Variants in GPR22 observed in about 807,000 individuals in gnomAD.
GPR22 encodes G-protein coupled receptor 22.
GPR22 carries 13 observed loss-of-function variants against 31.0 expected under a neutral mutation model. The ratio of observed to expected loss-of-function variants is 0.42; its 90% CI spans 0.27 to 0.67. The LOEUF (loss-of-function observed/expected upper bound fraction) is 0.67. Among genes scored for constraint, GPR22 ranks in the 30% least tolerant of loss-of-function variants. The pLI, the probability that GPR22 is intolerant of heterozygous loss-of-function variation, is 0.25. For missense variants in GPR22, 368 were observed against 509.6 expected (o/e 0.72, Z 2.67); for synonymous variants, 191 against 173.4 (o/e 1.10, Z -0.80).
At position 107,470,268 on chromosome 7, in the gene GPR22, A is replaced by G. The variant is rs1234250223; in HGVS notation, c.-1135A>G. On this transcript the variant is annotated 5_prime_UTR_variant, in exon 1 of 3. Coordinates refer to ENST00000304402, the MANE Select transcript of GPR22 (RefSeq NM_005295.3). ...CTAAGCAGCACTACATGTTCCATAC[A>G]TTAGCAGTACTGCTGAAACAATGGC... The G allele has an allele frequency of 6.6e-6, 1 of 152,228 alleles. No homozygotes were observed. The highest frequency in any genetic ancestry group is 2.4e-5 in the African/African-American group (1 of 41,472). The allele number at this position is 152,228 out of a possible 1,614,324, so 9.4% of individuals were successfully genotyped here.
chr7:107,477,247 TA>T (rs749437233), downstream of GPR22, among the ~76,000 whole-genome samples: 1 of 151,664 alleles, frequency 6.6e-6, no homozygotes, highest in South Asian at 2.1e-4. Flanking sequence ...TTTAAGAATT[TA>T]AAAAATGAAT....
At chr7:107,471,345 C>CTTAACCAA (rs1796621127) in intron 1 of GPR22, 27 bp from the exon 2 acceptor site, 1 of 152,126 alleles carries the variant, frequency 6.6e-6, no homozygotes, top group African/African-American at 2.4e-5. Context: ...AACCCTATTT[C>CTTAACCAA]TTAACCAATT....
intron 2 of GPR22, among the ~76,000 whole-genome samples, chr7:107,473,823 A>G (rs1796800132): frequency 6.6e-6 from 1 of 152,024 alleles, no homozygotes; most frequent in Non-Finnish European, 1.5e-5. Flanking sequence ...AACAATTTCC[A>G]TAGTTATTTC....
In GPR22 at chr7:107,474,513, T is replaced by G; in HGVS notation, c.453T>G (p.Ile151Met). The change falls in exon 3 of 3, where the codon ATT (isoleucine) becomes ATG (methionine). Residue 151 changes from isoleucine (I) to methionine (M), a missense_variant. By Grantham distance (10) the Ile-to-Met change is conservative. Transcript: ENST00000304402. This position sits in a 1 kb window ranked among gnomAD's most constrained non-coding sequence, Gnocchi z 5.7. ...TCTCTGTAAAACCTGCAAACCGAAT[T>G]CTGACAATGGGCAGAGCTGTAATGT... is the stretch of plus-strand genomic sequence containing the variant. ...YDISVKPANR[I>M]LTMGRAVMLM... 1 of 1,612,954 alleles carries G rather than the reference T, an allele frequency of 6.2e-7. No individual in the cohort carries two copies. Among genetic ancestry groups the G allele is most frequent in the Non-Finnish European group, 8.5e-7 (1 of 1,179,226 alleles).
Position 107,474,458 on chromosome 7 carries a change from T to C in GPR22, c.398T>C (p.Val133Ala). ...SFASVSTAIN[V>A]FAITLDRYDI... is the part of the protein sequence containing the mutation. The stretch of plus-strand genomic sequence containing the variant: ...GCAAGTGTCTCAACAGCAATCAACG[T>C]TTTTGCTATCACTTTGGACAGATAT... Residue 133 changes from valine to alanine, a missense_variant, in exon 3 of 3, where the codon GTT becomes GCT. Coordinates refer to ENST00000304402, the MANE Select transcript of GPR22 (RefSeq NM_005295.3). This position sits in a 1 kb window ranked among gnomAD's most constrained non-coding sequence, Gnocchi z 5.7. The C allele has an allele frequency of 6.2e-7, 1 of 1,613,350 alleles. No individual in the cohort carries two copies. The highest frequency in any genetic ancestry group is 8.5e-7 in the Non-Finnish European group (1 of 1,179,532).
At chr7:107,473,075 T>A (rs1237831769) in intron 2 of GPR22, 1 of 151,832 alleles carries the variant, frequency 6.6e-6, no homozygotes, top group African/African-American at 2.4e-5. Context: ...ACAAAAGGCT[T>A]CACAGGTAAT....
In GPR22 at chr7:107,474,162, A is replaced by G; in HGVS notation, c.102A>G (p.Leu34=). 1 of 1,611,002 alleles carries G rather than the reference A, an allele frequency of 6.2e-7. No homozygotes were observed. Among genetic ancestry groups the G allele is most frequent in the Non-Finnish European group, 8.5e-7 (1 of 1,177,428 alleles). ...DDINTNMYQP[L]SYPLSFQVSL... ...TCAACACCAATATGTACCAACCACTATCATATCCGTTAAGCTTTCAAGTGT... is the reference window on the plus strand; with the variant it reads ...TCAACACCAATATGTACCAACCACTGTCATATCCGTTAAGCTTTCAAGTGT... The change falls in exon 3 of 3, where the codon CTA becomes CTG. Residue 34 remains leucine (L), a synonymous_variant. Transcript: ENST00000304402. This position sits in a 1 kb window ranked among gnomAD's most constrained non-coding sequence, Gnocchi z 5.7.
At chr7:107,477,772 C>T (rs1797078137), downstream of GPR22, among the ~76,000 whole-genome samples, 1 of 151,862 alleles carries the variant, frequency 6.6e-6, no homozygotes, top group South Asian at 2.1e-4. Context: ...CAACTACTGA[C>T]CTCAGCTTAA....
chr7:107,474,845 T>C lies in GPR22; in HGVS notation c.785T>C (p.Leu262Pro), dbSNP rs1796873949. 1 of 1,613,222 alleles carries C rather than the reference T, an allele frequency of 6.2e-7. No individual in the cohort carries two copies. The highest frequency in any genetic ancestry group is 8.5e-7 in the Non-Finnish European group (1 of 1,179,552). Residue 262 changes from leucine to proline, a missense_variant, in exon 3 of 3, where the codon CTA becomes CCA. Leu to Pro is a moderately conservative substitution (Grantham distance 98). Transcript: ENST00000304402. The surrounding 1 kb of genome is among the most constrained non-coding windows in gnomAD (Gnocchi z 5.7). ...GCAAGAAAGAAAAAGACAATTTCTC[T>C]AACCACACAACATGAGGCTACAGAC... Reference protein sequence around the residue: ...KKARKKKTISLTTQHEATDMS... With the variant: ...KKARKKKTISPTTQHEATDMS...
In GPR22 at chr7:107,475,293, C is replaced by T; in HGVS notation, c.1233C>T (p.Asn411=). The T allele has an allele frequency of 6.3e-7, 1 of 1,590,266 alleles. No homozygotes were observed. ...ACTCTTGGATAGATCCTAAAAGAAA[C>T]AAAAAAATTACCTTTGAAGATAGTG... ...IHNSWIDPKR[N]KKITFEDSEI... The change falls in exon 3 of 3, where the codon AAC becomes AAT. Residue 411 remains asparagine (N), a synonymous_variant. Coordinates refer to ENST00000304402, the MANE Select transcript of GPR22 (RefSeq NM_005295.3).
rs1025509476 is a variant in GPR22 at position 107,470,180 on chromosome 7, C to A, written c.-1223C>A. 6.6e-6 allele frequency: 1 copy of A among 152,180 alleles called. No individual in the cohort carries two copies. Among genetic ancestry groups the A allele is most frequent in the Admixed American group, 6.5e-5 (1 of 15,274 alleles). The allele number at this position is 152,180 out of a possible 1,614,324, so 9.4% of individuals were successfully genotyped here. On this transcript the variant is annotated 5_prime_UTR_variant, in exon 1 of 3. The change creates a premature stop within an existing upstream ORF in the 5' untranslated region. Coordinates refer to ENST00000304402, the MANE Select transcript of GPR22 (RefSeq NM_005295.3). ...AGCCTTCAGTATGTTAAATTACTTTCATTATGTATTTTCAGATGCTTATTG... is the reference window on the plus strand; with the variant it reads ...AGCCTTCAGTATGTTAAATTACTTTAATTATGTATTTTCAGATGCTTATTG...
chr7:107,472,120 A>T lies in GPR22; in HGVS notation c.-209A>T, dbSNP rs1440629354. 6.6e-6 allele frequency: 1 copy of T among 152,048 alleles called. No individual in the cohort carries two copies. Among genetic ancestry groups the T allele is most frequent in the African/African-American group, 2.4e-5 (1 of 41,444 alleles). The allele number at this position is 152,048 out of a possible 1,614,324, so 9.4% of individuals were successfully genotyped here. A position where few individuals can be genotyped will look rare whatever the true frequency, so the allele number is the denominator to read the frequency against. Reference sequence around the variant, plus strand: ...ATCAAAGGGAAACATAATTCCTATCATCTGAGGAAATTCCTCTTGGCCGTG... The same window carrying T: ...ATCAAAGGGAAACATAATTCCTATCTTCTGAGGAAATTCCTCTTGGCCGTG... On this transcript the variant is annotated 5_prime_UTR_variant, in exon 2 of 3. Coordinates refer to ENST00000304402, the MANE Select transcript of GPR22 (RefSeq NM_005295.3).
Position 107,475,432 on chromosome 7 carries a change from A to T in GPR22, c.*70A>T. The T allele has an allele frequency of 4.3e-6, 3 of 701,938 alleles. No homozygotes were observed. Among genetic ancestry groups the T allele is most frequent in the Non-Finnish European group, 7.0e-6 (3 of 428,272 alleles). 43.5% of individuals were successfully genotyped at this position (701,938 alleles called of 1,614,324 possible). The stretch of plus-strand genomic sequence containing the variant: ...AATTTAAATTGTAAAAACTGATATT[A>T]CTGCCAAATATAAGAAAAATATTTT... On this transcript the variant is annotated 3_prime_UTR_variant, in exon 3 of 3. Transcript: ENST00000304402.
chr7:107,474,512 T>A lies in GPR22; in HGVS notation c.452T>A (p.Ile151Asn). The change falls in exon 3 of 3, where the codon ATT (isoleucine) becomes AAT (asparagine). Residue 151 changes from isoleucine to asparagine, a missense_variant. Transcript: ENST00000304402. This position sits in a 1 kb window ranked among gnomAD's most constrained non-coding sequence, Gnocchi z 5.7. ...YDISVKPANR[I>N]LTMGRAVMLM... is the part of the protein sequence containing the mutation. ...ATCTCTGTAAAACCTGCAAACCGAA[T>A]TCTGACAATGGGCAGAGCTGTAATG... 1 of 1,613,022 alleles carries A rather than the reference T, an allele frequency of 6.2e-7. No homozygotes were observed. The highest frequency in any genetic ancestry group is 8.5e-7 in the Non-Finnish European group (1 of 1,179,262).
chr7:107,475,224 T>C lies in GPR22; in HGVS notation c.1164T>C (p.Ser388=). 1 of 1,611,682 alleles carries C rather than the reference T, an allele frequency of 6.2e-7. No individual in the cohort carries two copies. The highest frequency in any genetic ancestry group is 8.5e-7 in the Non-Finnish European group (1 of 1,178,212). Reference sequence around the variant, plus strand: ...GTAAAATGAAAAAGCGAGTTGTTTCTATAGTAGAAGCTGATCCCCTGCCTA... The same window carrying C: ...GTAAAATGAAAAAGCGAGTTGTTTCCATAGTAGAAGCTGATCCCCTGCCTA... ...LKSKMKKRVV[S]IVEADPLPNN... is the part of the protein sequence containing the mutation. The change falls in exon 3 of 3, where the codon TCT becomes TCC. Residue 388 remains serine (S), a synonymous_variant. Transcript: ENST00000304402.
intron 2 of GPR22, among the ~76,000 whole-genome samples, chr7:107,473,774 A>ATTT (rs1796794287): frequency 6.6e-6 from 1 of 151,976 alleles, no homozygotes; most frequent in Non-Finnish European, 1.5e-5. Flanking sequence ...TACTCAAATG[A>ATTT]GAAAAGCCCT....
chr7:107,476,184 TAAAAAAAAAAAA>T (rs34741713), downstream of GPR22, among the ~76,000 whole-genome samples: 1 of 44,070 alleles, frequency 2.3e-5, no homozygotes, highest in Non-Finnish European at 4.3e-5. Context: ...GCAATGATTT[TAAAAAAAAAAAA>T]AAAAAAAAAA....
intron 1 of GPR22, among the ~76,000 whole-genome samples, chr7:107,471,021 G>A (rs1356321131): frequency 1.3e-5 from 2 of 151,886 alleles, no homozygotes; most frequent in Admixed American, 1.3e-4. Context: ...TTATTACAAA[G>A]AAGAAATAAC....
chr7:107,474,073 C>G lies in GPR22; in HGVS notation c.13C>G (p.Pro5Ala). Residue 5 changes from proline (P) to alanine (A), a missense_variant, in exon 3 of 3, where the codon CCC becomes GCC. Coordinates refer to ENST00000304402, the MANE Select transcript of GPR22 (RefSeq NM_005295.3). This position sits in a 1 kb window ranked among gnomAD's most constrained non-coding sequence, Gnocchi z 5.7. ...CTGCTCCAAAAGAATGTGTTTTTCT[C>G]CCATTCTGGAAATCAACATGCAGTC... The part of the protein sequence containing the change: MCFS[P>A]ILEINMQSES... 1 of 1,558,144 alleles carries G rather than the reference C, an allele frequency of 6.4e-7. No homozygotes were observed.
Sources: gnomAD v4.1 joint callset for allele counts (sites outside exome capture counted in the v4.1 genomes callset) on GRCh38, gnomAD v4.1.1 for gene constraint, Gnocchi (gnomAD v3.1) non-coding constraint, MANE v1.5 for transcripts, NCBI Gene and HGNC (gene_info 2026-07-23, HGNC 2026-07-21) for gene names.